Variants in EFCAB5 observed in about 807,000 individuals in gnomAD.
EFCAB5 encodes the protein EF-hand calcium-binding domain-containing protein 5.
A neutral mutation model predicts 167.9 loss-of-function variants in EFCAB5; 131 were observed. The observed-to-expected ratio is 0.78, with a 90% CI of 0.68 to 0.90. The LOEUF (loss-of-function observed/expected upper bound fraction) is 0.90. Ranked by LOEUF, EFCAB5 falls within the 40% of genes least tolerant of loss-of-function variation. The pLI, the probability that EFCAB5 is intolerant of heterozygous loss-of-function variation, is 0.00. For missense variants in EFCAB5, 1,663 were observed against 1,745.2 expected (o/e 0.95, Z 0.84); for synonymous variants, 574 against 602.8 (o/e 0.95, Z 0.70).
At chr17:30,103,169 A>G (rs1442660764) in intron 22 of EFCAB5, among the ~76,000 whole-genome samples, 1 of 150,756 alleles carries the variant, frequency 6.6e-6, no homozygotes, top group Non-Finnish European at 1.5e-5. Context: ...ACTCATTGTT[A>G]ATTTCTATTT....
chr17:30,089,223 G>A (rs2071148127), intron 19 of EFCAB5, among the ~76,000 whole-genome samples: 1 of 152,082 alleles, frequency 6.6e-6, no homozygotes, highest in African/African-American at 2.4e-5. Flanking sequence ...TAGAACAGAT[G>A]TCTTTGGAGG....
rs749306246 is a variant in EFCAB5, at chr17:30,051,122, G to C, written c.1205G>C (p.Gly402Ala). ...CAAACTTTCTTCTTTGCTTAGGTAG[G>C]GTTTTTGGATCGGCAGAGGACATTG... Reference protein sequence around the residue: ...LFLHCDHGKVGFLDRQRTLAL... With the variant: ...LFLHCDHGKVAFLDRQRTLAL... Residue 402 changes from glycine (G) to alanine (A), a missense_variant, in exon 9 of 23, where the codon GGG (glycine) becomes GCG (alanine). By Grantham distance (60) the Gly-to-Ala change is moderately conservative (BLOSUM62 0). Transcript: ENST00000394835. The C allele has an allele frequency of 1.2e-6, 2 of 1,613,618 alleles. No homozygotes were observed. The highest frequency in any genetic ancestry group is 1.7e-5 in the Admixed American group (1 of 59,996).
At chr17:30,097,003 T>TATACAC (rs1397535826) in intron 22 of EFCAB5, among the ~76,000 whole-genome samples, 5 of 106,552 alleles carry the variant, frequency 4.7e-5, no homozygotes, top group African/African-American at 2.1e-4. Flanking sequence ...TACATATACA[T>TATACAC]ATACATATAC....
chr17:30,089,014 A>G (rs1216715519), intron 19 of EFCAB5, among the ~76,000 whole-genome samples: 4 of 152,092 alleles, frequency 2.6e-5, no homozygotes, highest in Admixed American at 2.6e-4. Flanking sequence ...ATATGTATAC[A>G]TGTGCCATGT....
At chr17:29,930,317 G>C in intron 1 of EFCAB5, 1 of 391,898 alleles carries the variant, frequency 2.6e-6, no homozygotes, top group Non-Finnish European at 4.6e-6. Context: ...TTGAGTTGCC[G>C]GAAGCTGGCC....
At chr17:29,933,410 A>G (rs1263903897) in intron 1 of EFCAB5, among the ~76,000 whole-genome samples, 1 of 152,186 alleles carries the variant, frequency 6.6e-6, no homozygotes, top group Non-Finnish European at 1.5e-5. Flanking sequence ...TAATTTCCCT[A>G]GGCTCCACCC....
chr17:30,080,013 A>G, intron 15 of EFCAB5, 59 bp from the exon 16 acceptor site: 1 of 1,535,734 alleles, frequency 6.5e-7, no homozygotes, highest in Non-Finnish European at 8.7e-7. Context: ...TAAGGGGGAC[A>G]TGATTAGGGG....
chr17:29,946,773 C>T (rs1436910916), intron 3 of EFCAB5, among the ~76,000 whole-genome samples: 3 of 152,188 alleles, frequency 2.0e-5, no homozygotes, highest in South Asian at 4.1e-4. Context: ...AAAAGTAGAT[C>T]TACCATTCAA....
chr17:29,997,973 A>G (rs1229918533), intron 6 of EFCAB5, among the ~76,000 whole-genome samples: 1 of 151,902 alleles, frequency 6.6e-6, no homozygotes, highest in South Asian at 2.1e-4. Context: ...CATAGGAACT[A>G]GAGTTTGGGT....
At chr17:29,996,265 A>AG in intron 5 of EFCAB5, 47 bp from the exon 6 acceptor site, 1 of 1,437,182 alleles carries the variant, frequency 7.0e-7, no homozygotes, top group Non-Finnish European at 9.5e-7. Flanking sequence ...GTGGTAACTG[A>AG]GGAGTGGCAT....
chr17:30,086,893 G>GA (rs113554450), intron 18 of EFCAB5, among the ~76,000 whole-genome samples, 170 bp from the exon 19 acceptor site: 13,123 of 147,614 alleles, frequency 0.089, 1,855 homozygotes, highest in African/African-American at 0.3. Flanking sequence ...ACTCCATCTC[G>GA]AAAAAAAAAA....
intron 7 of EFCAB5, among the ~76,000 whole-genome samples, chr17:30,027,191 T>A (rs919528435): frequency 6.6e-6 from 1 of 150,940 alleles, no homozygotes; most frequent in African/African-American, 2.4e-5. Flanking sequence ...TTCACCGTGT[T>A]AGCCAGGATG....
At chr17:30,055,002 A>T (rs1360924774) in intron 10 of EFCAB5, among the ~76,000 whole-genome samples, 3 of 152,196 alleles carry the variant, frequency 2.0e-5, no homozygotes, top group African/African-American at 7.2e-5. Flanking sequence ...TGAAGTGAAA[A>T]GGTGAAAATT....
chr17:30,041,139 C>T (rs762949413), intron 8 of EFCAB5, among the ~76,000 whole-genome samples: 1 of 151,622 alleles, frequency 6.6e-6, no homozygotes, highest in African/African-American at 2.4e-5. Flanking sequence ...GATTGAGCAC[C>T]CTTTCTGCAG....
At chr17:30,037,259 GT>G (rs2069652974) in intron 8 of EFCAB5, among the ~76,000 whole-genome samples, 2 of 152,210 alleles carry the variant, frequency 1.3e-5, no homozygotes. Flanking sequence ...CTAAATACCT[GT>G]GTGTAAAGGA....
Position 29,944,300 on chromosome 17 carries a change from C to T in EFCAB5, c.190+651C>T, listed in dbSNP as rs138801066. Among the ~76,000 whole-genome samples the T allele has an allele frequency of 2.6e-3, 396 of 152,160 alleles. 3 individuals carry two copies. Among genetic ancestry groups the T allele is most frequent in the Admixed American group, 6.6e-3 (101 of 15,290 alleles). On this transcript the variant is annotated intron_variant, in intron 3 of 22. Coordinates refer to ENST00000394835, the MANE Select transcript of EFCAB5 (RefSeq NM_198529.4). The stretch of plus-strand genomic sequence containing the variant: ...CTTGCTATGTTTCCTGGGCTGGTCT[C>T]GATCTCCTGGACTCAGGCGATCCTC...
At chr17:30,100,762 G>A (rs964085739) in intron 22 of EFCAB5, among the ~76,000 whole-genome samples, 2 of 122,998 alleles carry the variant, frequency 1.6e-5, no homozygotes, top group Middle Eastern at 4.3e-3. Flanking sequence ...GTGAGACTCC[G>A]TTCAAAAAAA....
At chr17:30,089,165 C>T (rs1399378409) in intron 19 of EFCAB5, among the ~76,000 whole-genome samples, 1 of 151,890 alleles carries the variant, frequency 6.6e-6, no homozygotes, top group Non-Finnish European at 1.5e-5. Flanking sequence ...TGTTCAATTC[C>T]CACCTATGAG....
intron 14 of EFCAB5, among the ~76,000 whole-genome samples, chr17:30,071,527 G>A (rs1443042142): frequency 2.6e-5 from 4 of 151,794 alleles, no homozygotes; most frequent in Non-Finnish European, 1.5e-5. Context: ...GCAGACAAAG[G>A]GAAACTCTTA....
Sources: gnomAD v4.1 joint callset for allele counts (sites outside exome capture counted in the v4.1 genomes callset) on GRCh38, gnomAD v4.1.1 for gene constraint, MANE v1.5 for transcripts, NCBI Gene and HGNC (gene_info 2026-07-23, HGNC 2026-07-21) for gene names.